The following RDX variants were observed in gnomAD, a reference collection of about 807,000 sequenced individuals.
The protein encoded by RDX is deafness, autosomal recessive 24.
In RDX, 32 loss-of-function variants were observed where a neutral mutation model predicts 83.7. The ratio of observed to expected loss-of-function variants is 0.38; its 90% CI spans 0.29 to 0.51. The LOEUF is 0.51. Among genes scored for constraint, RDX ranks in the 20% least tolerant of loss-of-function variants. RDX has a pLI of 0.87. For missense variants in RDX, 600 were observed against 689.9 expected (o/e 0.87, Z 1.46); for synonymous variants, 229 against 222.7 (o/e 1.03, Z -0.25).
chr11:110,203,975 G>C (rs949200469), intron 14 of RDX, among the ~76,000 whole-genome samples: 2 of 152,126 alleles, frequency 1.3e-5, no homozygotes, highest in African/African-American at 4.8e-5. Context: ...CTGGGAAATG[G>C]AGGGTGCAGT....
intron 9 of RDX, among the ~76,000 whole-genome samples, chr11:110,249,178 A>G (rs1250460115): frequency 6.6e-6 from 1 of 152,222 alleles, no homozygotes; most frequent in Non-Finnish European, 1.5e-5. Context: ...TTGAATCAAT[A>G]TTCAAATCAC....
At chr11:110,260,113 A>C (rs1477590754) in intron 5 of RDX, among the ~76,000 whole-genome samples, 1 of 151,572 alleles carries the variant, frequency 6.6e-6, no homozygotes, top group Admixed American at 6.6e-5. Context: ...GAGCCTCTCC[A>C]GTAGCTAGGA....
At chr11:110,262,166 T>C (rs1260926775) in intron 5 of RDX, among the ~76,000 whole-genome samples, 2 of 152,192 alleles carry the variant, frequency 1.3e-5, no homozygotes, top group East Asian at 1.9e-4. Context: ...AAAACCAGAA[T>C]ATAAACAGAC....
downstream of RDX, among the ~76,000 whole-genome samples, chr11:110,224,729 A>G (rs1451102057): frequency 1.3e-5 from 2 of 152,226 alleles, no homozygotes; most frequent in African/African-American, 4.8e-5. Flanking sequence ...TACCACAAAC[A>G]TGAACAATAT....
At chr11:110,199,713 T>C in intron 14 of RDX, 1 of 702,948 alleles carries the variant, frequency 1.4e-6, no homozygotes, top group Non-Finnish European at 2.6e-6. Flanking sequence ...TAGAAAGCAT[T>C]TAGCAAAAGA....
intron 14 of RDX, among the ~76,000 whole-genome samples, chr11:110,217,144 A>G (rs1311320993): frequency 6.6e-6 from 1 of 152,178 alleles, no homozygotes. Flanking sequence ...TCAGGTAGCA[A>G]CTTACATGCC....
downstream of RDX, among the ~76,000 whole-genome samples, chr11:110,225,742 A>G (rs950408809): frequency 6.6e-6 from 1 of 152,148 alleles, no homozygotes. Flanking sequence ...TATTACGACA[A>G]TTCCTCAAAA....
chr11:110,234,775 T>A (rs909614970), intron 12 of RDX, among the ~76,000 whole-genome samples: 1 of 152,188 alleles, frequency 6.6e-6, no homozygotes, highest in African/African-American at 2.4e-5. Context: ...TAATTTTCAA[T>A]ACATATAAAA....
chr11:110,242,685 G>A (rs1350779742), intron 10 of RDX, among the ~76,000 whole-genome samples: 2 of 152,062 alleles, frequency 1.3e-5, no homozygotes, highest in Non-Finnish European at 2.9e-5. Context: ...AAAAGTGTAA[G>A]TTTTAAAAAA....
chr11:110,176,888 C>G (rs1248073913), intron 15 of RDX, among the ~76,000 whole-genome samples: 1 of 152,094 alleles, frequency 6.6e-6, no homozygotes, highest in Non-Finnish European at 1.5e-5. Context: ...ATCACCAGGC[C>G]CTTTCGGAGT....
At chr11:110,287,777 GGT>G (rs765229658) in intron 1 of RDX, among the ~76,000 whole-genome samples, 4 of 152,122 alleles carry the variant, frequency 2.6e-5, no homozygotes, top group Non-Finnish European at 5.9e-5. Context: ...GCCCAAGACA[GGT>G]GTTACAATCT....
At chr11:110,275,342 G>A (rs1322074107) in intron 2 of RDX, among the ~76,000 whole-genome samples, 1 of 152,118 alleles carries the variant, frequency 6.6e-6, no homozygotes, top group African/African-American at 2.4e-5. Flanking sequence ...TTATCTGGCT[G>A]GTTGCAGAAT....
chr11:110,210,729 C>T (rs1306763593), intron 14 of RDX, among the ~76,000 whole-genome samples: 4 of 151,490 alleles, frequency 2.6e-5, no homozygotes, highest in Non-Finnish European at 5.9e-5. Flanking sequence ...ATTTCATATC[C>T]AGCCAAATTA....
chr11:110,233,116 C>T, intron 13 of RDX, 121 bp downstream of exon 13: 1 of 1,256,774 alleles, frequency 8.0e-7, no homozygotes. Context: ...CAAACACCCA[C>T]AAACCAATCA....
chr11:110,285,691 C>T (rs1465132949), intron 1 of RDX, among the ~76,000 whole-genome samples: 4 of 120,050 alleles, frequency 3.3e-5, no homozygotes, highest in South Asian at 5.3e-4. Context: ...TCAGCCTGGG[C>T]GACAGAGTGA....
At chr11:110,203,433 G>T (rs966751934) in intron 14 of RDX, among the ~76,000 whole-genome samples, 2 of 142,724 alleles carry the variant, frequency 1.4e-5, no homozygotes, top group Non-Finnish European at 3.1e-5. Flanking sequence ...AAAAAAAAAA[G>T]TAGAAAGAAT....
intron 11 of RDX, 174 bp from the exon 12 acceptor site, chr11:110,236,365 G>A (rs1460467820): frequency 3.4e-6 from 2 of 591,038 alleles, no homozygotes; most frequent in Admixed American, 3.0e-5. Flanking sequence ...AGTCCTTTAG[G>A]TAATGAGCTA....
At chr11:110,237,890 G>A in intron 10 of RDX, 1 of 556,002 alleles carries the variant, frequency 1.8e-6, no homozygotes, top group Non-Finnish European at 3.4e-6. Flanking sequence ...TCCCGCCTCA[G>A]CCTCCCAAGT....
chr11:110,250,080 C>A (rs1859264642), intron 9 of RDX, among the ~76,000 whole-genome samples: 5 of 152,162 alleles, frequency 3.3e-5, no homozygotes, highest in Non-Finnish European at 1.5e-5. Flanking sequence ...AAAGCATATA[C>A]AGGCAGAGAG....
Sources: allele counts gnomAD v4.1 joint callset (sites outside exome capture counted in the v4.1 genomes callset), GRCh38; gene constraint gnomAD v4.1.1; transcripts MANE v1.5; gene names NCBI Gene and HGNC (gene_info 2026-07-23, HGNC 2026-07-21).